A2ML1: variants seen among roughly 807,000 people sequenced by gnomAD.
The protein encoded by A2ML1 is alpha-2-macroglobulin-like protein 1.
A2ML1 carries 161 observed loss-of-function variants against 181.9 expected under a neutral mutation model. The observed-to-expected ratio is 0.89, with a 90% CI of 0.78 to 1.01. The LOEUF (loss-of-function observed/expected upper bound fraction) is 1.01. Among genes scored for constraint, A2ML1 ranks in the 50% least tolerant of loss-of-function variants. The pLI is 0.00. For synonymous variants in A2ML1, 663 were observed against 666.8 expected (o/e 0.99, Z 0.09); for missense variants, 1,670 against 1,768.1 (o/e 0.94, Z 1.00).
intron 8 of A2ML1, 103 bp from the exon 9 acceptor site, chr12:8,838,233 T>C: frequency 1.4e-6 from 1 of 718,054 alleles, no homozygotes; most frequent in South Asian, 2.3e-5. Context: ...GAAACTGAAG[T>C]GTGGAGATGA....
intron 15 of A2ML1, among the ~76,000 whole-genome samples, chr12:8,848,140 A>C (rs1225679678): frequency 5.9e-5 from 9 of 151,358 alleles, no homozygotes; most frequent in South Asian, 2.1e-4. Context: ...AAAACAAAAA[A>C]AAAAAAACAA....
chr12:8,881,030 T>C (rs4883195), downstream of A2ML1, among the ~76,000 whole-genome samples: 125,492 of 152,148 alleles, frequency 0.82, 53,731 homozygotes, highest in East Asian at 0.97. Flanking sequence ...AAGCACAGGG[T>C]TCAGGTGGTT....
In A2ML1 at chr12:8,860,975, G is replaced by C; in HGVS notation, c.3339+20G>C. On this transcript the variant is annotated intron_variant, in intron 27 of 35. Coordinates refer to ENST00000299698, the MANE Select transcript of A2ML1 (RefSeq NM_144670.6). ...GTAGATGTAAGTTCTCCTGGCTCCTGCTCTTGATACCCTCCTTCTCATGCG... is the reference window on the plus strand; with the variant it reads ...GTAGATGTAAGTTCTCCTGGCTCCTCCTCTTGATACCCTCCTTCTCATGCG... 6.2e-7 allele frequency: 1 copy of C among 1,613,846 alleles called. No individual in the cohort carries two copies. The highest frequency in any genetic ancestry group is 8.5e-7 in the Non-Finnish European group (1 of 1,179,808).
chr12:8,869,161 G>C lies in A2ML1; in HGVS notation c.4179G>C (p.Lys1393Asn). The C allele has an allele frequency of 6.2e-7, 1 of 1,614,064 alleles. No homozygotes were observed. Among genetic ancestry groups the C allele is most frequent in the Non-Finnish European group, 8.5e-7 (1 of 1,180,018 alleles). ...TTCTCCAGCAACCCCTGGTGAAGAA[G>C]GTTGAATTTGGAACTGACACACTTA... ...QLLLQQPLVK[K>N]VEFGTDTLNI... The change falls in exon 33 of 36, where the codon AAG (lysine) becomes AAC (asparagine). Residue 1393 changes from lysine to asparagine, a missense_variant. Coordinates refer to ENST00000299698, the MANE Select transcript of A2ML1 (RefSeq NM_144670.6).
chr12:8,868,724 C>CAA, intron 32 of A2ML1, 97 bp downstream of exon 32: 2 of 834,924 alleles, frequency 2.4e-6, no homozygotes, highest in Non-Finnish European at 3.9e-6. Flanking sequence ...CGTGTATACA[C>CAA]ACACACACAC....
At chr12:8,856,309 A>G (rs1944060108) in intron 23 of A2ML1, among the ~76,000 whole-genome samples, 1 of 152,150 alleles carries the variant, frequency 6.6e-6, no homozygotes. Flanking sequence ...ATCTTATTGT[A>G]TTAGAGTTCA....
intron 21 of A2ML1, 49 bp downstream of exon 21, chr12:8,854,298 G>C (rs761460220): frequency 3.3e-6 from 5 of 1,537,060 alleles, no homozygotes; most frequent in Non-Finnish European, 3.5e-6. Flanking sequence ...GGGATGCTCA[G>C]CATCTCGTCT....
At chr12:8,868,422 TTGTG>T in intron 31 of A2ML1, 65 bp downstream of exon 31, 6 of 1,441,508 alleles carry the variant, frequency 4.2e-6, no homozygotes, top group Admixed American at 1.9e-5. Context: ...GCTGGGACAC[TTGTG>T]TGTGTGTGTG....
chr12:8,834,784 C>A, intron 5 of A2ML1, 102 bp downstream of exon 5: 1 of 1,468,276 alleles, frequency 6.8e-7, no homozygotes, highest in Non-Finnish European at 9.5e-7. Flanking sequence ...GATCTTGGCC[C>A]AGAGCCCCAT....
intron 28 of A2ML1, among the ~76,000 whole-genome samples, chr12:8,862,440 G>C (rs1944297922): frequency 6.6e-6 from 1 of 152,136 alleles, no homozygotes. Context: ...GACCTCAAGT[G>C]ATCCGCCCCT....
At chr12:8,842,135 A>G (rs924002992) in intron 11 of A2ML1, among the ~76,000 whole-genome samples, 1 of 152,102 alleles carries the variant, frequency 6.6e-6, no homozygotes, top group African/African-American at 2.4e-5. Context: ...TAGCCCAGGT[A>G]TATTCTTATG....
rs1277216051 is a variant in A2ML1, at chr12:8,851,824, G to A, written c.2275G>A (p.Ala759Thr). 1.4e-5 allele frequency: 23 copies of A among 1,614,034 alleles called. No homozygotes were observed. Among genetic ancestry groups the A allele is most frequent in the South Asian group, 4.4e-5 (4 of 91,088 alleles). ...KEAVHVTVPD[A>T]ITEWKAMSFC... ...GGCGGTCCACGTCACAGTTCCTGACGCCATCACCGAGTGGAAGGCGATGAG... is the reference window on the plus strand; with the variant it reads ...GGCGGTCCACGTCACAGTTCCTGACACCATCACCGAGTGGAAGGCGATGAG... Residue 759 changes from alanine (A) to threonine (T), a missense_variant, in exon 19 of 36, where the codon GCC (alanine) becomes ACC (threonine). Coordinates refer to ENST00000299698, the MANE Select transcript of A2ML1 (RefSeq NM_144670.6).
At chr12:8,845,091 T>C (rs1478201192) in intron 12 of A2ML1, 2 of 1,445,884 alleles carry the variant, frequency 1.4e-6, no homozygotes, top group African/African-American at 2.9e-5. Flanking sequence ...CTTATGAGGA[T>C]AGATTTTCGC....
chr12:8,847,098 C>CTTTTTTTTTT (rs1212257948), intron 14 of A2ML1, among the ~76,000 whole-genome samples: 444 of 93,294 alleles, frequency 4.8e-3, no homozygotes, highest in East Asian at 0.014. Flanking sequence ...CCATGCCTGG[C>CTTTTTTTTTT]TTTTTTTTTT....
chr12:8,856,673 G>A (rs1173730757), intron 23 of A2ML1, among the ~76,000 whole-genome samples: 4 of 152,132 alleles, frequency 2.6e-5, no homozygotes, highest in Non-Finnish European at 2.9e-5. Context: ...TCAGCTCAGT[G>A]ACATGTCTTC....
At chr12:8,884,234 T>TTTG (rs1429175632) in intron 7 of A2ML1, among the ~76,000 whole-genome samples, 1 of 144,384 alleles carries the variant, frequency 6.9e-6, no homozygotes, top group African/African-American at 2.6e-5. Flanking sequence ...ATTTTTTGTT[T>TTTG]TTTTTTGTTT....
rs3079166 is a variant in A2ML1 at position 8,868,457 on chromosome 12, C to CGT, written c.4062-63_4062-62dup. ...GTGTGTCTGTGTATGTGTGTGTGTACGTGTGTGTGTGTGTGTGTTGGGGAT... is the reference window on the plus strand; with the variant it reads ...GTGTGTCTGTGTATGTGTGTGTGTACGTGTGTGTGTGTGTGTGTGTTGGGGAT... On this transcript the variant is annotated intron_variant, in intron 31 of 35. Coordinates refer to ENST00000299698, the MANE Select transcript of A2ML1 (RefSeq NM_144670.6). 180,151 of 1,181,136 alleles carry CGT rather than the reference C, an allele frequency of 0.15. 2,141 individuals are homozygous for CGT. Among genetic ancestry groups the CGT allele is most frequent in the African/African-American group, 0.2 (13,401 of 66,556 alleles). The allele number at this position is 1,181,136 out of a possible 1,614,324, so 73.2% of individuals were successfully genotyped here. A position where few individuals can be genotyped will look rare whatever the true frequency, so the allele number is the denominator to read the frequency against.
intron 10 of A2ML1, 91 bp downstream of exon 10, chr12:8,839,313 G>T: frequency 2.4e-6 from 2 of 822,290 alleles, no homozygotes; most frequent in Non-Finnish European, 3.9e-6. Context: ...AGCTAACTTA[G>T]TGCTGTTCCA....
chr12:8,834,068 C>T (rs1259487262), intron 4 of A2ML1, among the ~76,000 whole-genome samples: 1 of 152,092 alleles, frequency 6.6e-6, no homozygotes, highest in South Asian at 2.1e-4. Context: ...TGAATTCCAG[C>T]TTTCAATCTC....
Sources: gnomAD v4.1 joint callset for allele counts (sites outside exome capture counted in the v4.1 genomes callset) on GRCh38, gnomAD v4.1.1 for gene constraint, MANE v1.5 for transcripts, NCBI Gene and HGNC (gene_info 2026-07-23, HGNC 2026-07-21) for gene names.